The following CDK13 variants were observed in gnomAD, a reference collection of about 807,000 sequenced individuals.
CDK13 encodes cyclin dependent kinase 13, also known as cyclin-dependent kinase 13.
CDK13 carries 40 observed loss-of-function variants against 137.6 expected under a neutral mutation model. The ratio of observed to expected loss-of-function variants is 0.29; its 90% CI spans 0.23 to 0.38. CDK13 has a LOEUF of 0.38. Among genes scored for constraint, CDK13 ranks in the 10% least tolerant of loss-of-function variants. The pLI is 1.00. For synonymous variants in CDK13, 869 were observed against 760.1 expected, an observed-to-expected ratio of 1.14 and a Z score of -2.36; for missense variants, 1,704 against 1,951.8, an observed-to-expected ratio of 0.87 and a Z score of 2.39.
At chr7:40,047,458 C>G (rs1375139247) in intron 6 of CDK13, among the ~76,000 whole-genome samples, 1 of 152,030 alleles carries the variant, frequency 6.6e-6, no homozygotes, top group Non-Finnish European at 1.5e-5. Context: ...TTACCTTGAA[C>G]AAGAAATTTG....
rs968224717 is a variant in CDK13 at position 39,951,663 on chromosome 7, C to G, written c.1022C>G (p.Pro341Arg). ...CAGAGCCTGAGGAGCCGCAAGTCCC[C>G]CAGCCCGGCAGGAGGTGGCAGCAGC... ...ASQSLRSRKS[P>R]SPAGGGSSPY... is the part of the protein sequence containing the mutation. Residue 341 changes from proline (P) to arginine (R), a missense_variant, in exon 1 of 14, where the codon CCC becomes CGC. Coordinates refer to ENST00000181839, the MANE Select transcript of CDK13 (RefSeq NM_003718.5). 3 of 1,476,882 alleles carry G rather than the reference C, an allele frequency of 2.0e-6. No individual in the cohort carries two copies. Among genetic ancestry groups the G allele is most frequent in the Non-Finnish European group, 2.7e-6 (3 of 1,118,774 alleles). 91.5% of individuals were successfully genotyped at this position (1,476,882 alleles called of 1,614,324 possible).
chr7:40,078,304 A>AT, intron 10 of CDK13, 183 bp downstream of exon 10: 1 of 423,072 alleles, frequency 2.4e-6, no homozygotes, highest in South Asian at 5.9e-5. Flanking sequence ...GGAATCAGTG[A>AT]TTTGAGATTG....
chr7:39,961,867 A>G (rs1315302991), intron 1 of CDK13, among the ~76,000 whole-genome samples: 3 of 151,674 alleles, frequency 2.0e-5, no homozygotes, highest in Non-Finnish European at 4.4e-5. Context: ...ATTCCCACCT[A>G]TGAGTGAGAA....
intron 7 of CDK13, among the ~76,000 whole-genome samples, chr7:40,060,341 A>C (rs1490313054): frequency 6.6e-6 from 1 of 152,232 alleles, no homozygotes; most frequent in Non-Finnish European, 1.5e-5. Context: ...ATTTATATAA[A>C]TTTAAACATT....
chr7:39,963,055 C>T (rs958204474), intron 1 of CDK13, among the ~76,000 whole-genome samples: 3 of 152,104 alleles, frequency 2.0e-5, no homozygotes, highest in African/African-American at 4.8e-5. Context: ...AGTCAGGTAG[C>T]GTGATGCCTC....
chr7:40,078,007 G>A lies in CDK13; in HGVS notation c.2783G>A (p.Arg928Gln), dbSNP rs1786584270. The A allele has an allele frequency of 2.6e-6, 4 of 1,514,408 alleles. No homozygotes were observed. Among genetic ancestry groups the A allele is most frequent in the Admixed American group, 2.1e-5 (1 of 46,542 alleles). 93.8% of individuals were successfully genotyped at this position (1,514,408 alleles called of 1,614,324 possible). The stretch of plus-strand genomic sequence containing the variant: ...ACTTCCTTTTGTGTGTTGCTTAGCC[G>A]AATATGTGGGAGTCCATGTCCTGCA... ...QELAQLELISRICGSPCPAVW... is the reference protein window; with the variant it reads ...QELAQLELISQICGSPCPAVW... The change falls in exon 10 of 14, where the codon CGA (arginine) becomes CAA (glutamine). Residue 928 changes from arginine (R) to glutamine (Q), a missense_variant and splice_region_variant. Arg to Gln is a conservative substitution (Grantham distance 43). Transcript: ENST00000181839.
chr7:40,072,556 C>T (rs1162936788), intron 9 of CDK13: 1 of 152,164 alleles, frequency 6.6e-6, no homozygotes, highest in Non-Finnish European at 1.5e-5. Context: ...GGTAGTTTTA[C>T]CACTGGTTTT....
At chr7:40,033,031 CTTCA>C (rs1785412249) in intron 5 of CDK13, among the ~76,000 whole-genome samples, 1 of 152,188 alleles carries the variant, frequency 6.6e-6, no homozygotes, top group Admixed American at 6.5e-5. Context: ...TGGCATTTCT[CTTCA>C]TTCTTTTGAT....
chr7:40,042,720 T>C (rs1035762231), intron 5 of CDK13, among the ~76,000 whole-genome samples: 1 of 150,910 alleles, frequency 6.6e-6, no homozygotes, highest in South Asian at 2.1e-4. Flanking sequence ...CCTCAAGCGA[T>C]CCACCCACCT....
chr7:40,030,104 CTT>C (rs1039972122), intron 5 of CDK13, among the ~76,000 whole-genome samples: 1 of 152,150 alleles, frequency 6.6e-6, no homozygotes, highest in Non-Finnish European at 1.5e-5. Context: ...AGTAGCATCT[CTT>C]TTAAGTACTA....
chr7:40,086,232 AC>A (rs1786784699), intron 11 of CDK13, among the ~76,000 whole-genome samples: 1 of 152,212 alleles, frequency 6.6e-6, no homozygotes, highest in Non-Finnish European at 1.5e-5. Context: ...ACTTGCTTAA[AC>A]AAGCAGGCCA....
intron 1 of CDK13, among the ~76,000 whole-genome samples, chr7:39,969,917 T>A (rs1160717864): frequency 3.9e-5 from 6 of 152,188 alleles, no homozygotes; most frequent in Non-Finnish European, 8.8e-5. Flanking sequence ...TTGCAAACGT[T>A]TTTTCCTCAG....
intron 12 of CDK13, 167 bp from the exon 13 acceptor site, chr7:40,092,618 T>A: frequency 1.7e-6 from 1 of 588,070 alleles, no homozygotes; most frequent in Non-Finnish European, 3.0e-6. Context: ...AGGTACATTT[T>A]AAATGTACAT....
At position 39,950,926 on chromosome 7, in the gene CDK13, C is replaced by T. The variant is rs2116051152; in HGVS notation, c.285C>T (p.Gly95=). 7.6e-7 allele frequency: 1 copy of T among 1,320,682 alleles called. No homozygotes were observed. Among genetic ancestry groups the T allele is most frequent in the East Asian group, 3.1e-5 (1 of 32,118 alleles). The allele number at this position is 1,320,682 out of a possible 1,614,324, so 81.8% of individuals were successfully genotyped here. The change falls in exon 1 of 14, where the codon GGC becomes GGT. Residue 95 remains glycine (G), a synonymous_variant. Coordinates refer to ENST00000181839, the MANE Select transcript of CDK13 (RefSeq NM_003718.5). Reference sequence around the variant, plus strand: ...TGGAGGTCAAGCGGCTGGCGAGAGGCAAGAGGCGCGCAGGAGGGCGGCAGA... The same window carrying T: ...TGGAGGTCAAGCGGCTGGCGAGAGGTAAGAGGCGCGCAGGAGGGCGGCAGA... The part of the protein sequence containing the change: ...PPLEVKRLAR[G]KRRAGGRQKR...
At chr7:39,970,532 C>G (rs2116185179) in intron 1 of CDK13, among the ~76,000 whole-genome samples, 1 of 151,572 alleles carries the variant, frequency 6.6e-6, no homozygotes, top group Middle Eastern at 3.4e-3. Flanking sequence ...ATGATCTTGG[C>G]TCACTGCAAC....
chr7:40,053,902 G>A (rs1361224239), intron 7 of CDK13, among the ~76,000 whole-genome samples: 1 of 152,070 alleles, frequency 6.6e-6, no homozygotes, highest in Non-Finnish European at 1.5e-5. Context: ...TCATTCTTAT[G>A]TACATTTTAA....
intron 1 of CDK13, among the ~76,000 whole-genome samples, chr7:39,967,698 C>T (rs868026844): frequency 5.3e-5 from 8 of 152,248 alleles, no homozygotes; most frequent in Non-Finnish European, 7.4e-5. Context: ...AATTTACATT[C>T]ATACCAGCAG....
In CDK13 at chr7:40,069,283, G is replaced by A. The variant is rs188683201; in HGVS notation, c.2780+6183G>A. 1,139 of 448,412 alleles carry A rather than the reference G, an allele frequency of 2.5e-3. 5 individuals are homozygous for A. Among genetic ancestry groups the A allele is most frequent in the Non-Finnish European group, 4.2e-3 (951 of 224,862 alleles). The allele number at this position is 448,412 out of a possible 1,614,324, so 27.8% of individuals were successfully genotyped here. ...AAACATAAAAAGATGCTTCAATTTT[G>A]ATTTCATAGCATTAATTTCTTTTCA... On this transcript the variant is annotated intron_variant, in intron 9 of 13. Coordinates refer to ENST00000181839, the MANE Select transcript of CDK13 (RefSeq NM_003718.5).
At chr7:39,956,368 A>G (rs1787408289) in intron 1 of CDK13, among the ~76,000 whole-genome samples, 1 of 152,138 alleles carries the variant, frequency 6.6e-6, no homozygotes, top group Non-Finnish European at 1.5e-5. Flanking sequence ...ATTTACATCT[A>G]CTCAGTCCTT....
Sources: allele counts gnomAD v4.1 joint callset (sites outside exome capture counted in the v4.1 genomes callset), GRCh38; gene constraint gnomAD v4.1.1; transcripts MANE v1.5; gene names NCBI Gene and HGNC (gene_info 2026-07-23, HGNC 2026-07-21).